The following SI variants were observed in gnomAD, a reference collection of about 807,000 sequenced individuals.
The protein encoded by SI is sucrase-isomaltase, intestinal.
In SI, 235 loss-of-function variants were observed where a neutral mutation model predicts 253.3. The observed-to-expected ratio is 0.93, with a 90% CI of 0.83 to 1.03. The LOEUF is 1.03. SI is among the 50% of genes least tolerant of loss of function. SI has a pLI of 0.00. For synonymous variants in SI, 819 were observed against 712.0 expected (o/e 1.15, Z -2.39); for missense variants, 2,442 against 2,211.1 (o/e 1.10, Z -2.09).
At chr3:165,043,736 T>C (rs1271906567) in intron 16 of SI, among the ~76,000 whole-genome samples, 1 of 151,600 alleles carries the variant, frequency 6.6e-6, no homozygotes, top group African/African-American at 2.4e-5. Context: ...CAAACATTTC[T>C]TTATTTTTTC....
At chr3:165,059,734 G>T (rs879165029) in intron 10 of SI, among the ~76,000 whole-genome samples, 168 bp downstream of exon 10, 1 of 151,818 alleles carries the variant, frequency 6.6e-6, no homozygotes, top group Admixed American at 6.6e-5. Flanking sequence ...ACTTTCAGGA[G>T]GCAAGGGCAT....
intron 35 of SI, among the ~76,000 whole-genome samples, 196 bp downstream of exon 35, chr3:165,009,083 T>C (rs1417495220): frequency 6.6e-6 from 1 of 152,100 alleles, no homozygotes; most frequent in African/African-American, 2.4e-5. Context: ...GTCCAGGAAA[T>C]AGCATCCATA....
In SI at chr3:164,994,421, A is replaced by G. The variant is rs751597034; in HGVS notation, c.4693-16T>C. 4.4e-6 allele frequency: 7 copies of G among 1,609,130 alleles called. No homozygotes were observed. In the East Asian group the frequency reaches 1.6e-4, roughly 36 times the overall value. On this transcript the variant is annotated splice_polypyrimidine_tract_variant and intron_variant, in intron 40 of 47. Transcript: ENST00000264382. ...GATCTTGTCTCTGAAACAAAGCAAAATAACATAGTTATAAGCTTTGGTCCT... is the reference window on the plus strand; with the variant it reads ...GATCTTGTCTCTGAAACAAAGCAAAGTAACATAGTTATAAGCTTTGGTCCT...
chr3:164,996,826 ATT>A, intron 38 of SI, 54 bp from the exon 39 acceptor site: 1 of 815,476 alleles, frequency 1.2e-6, no homozygotes, highest in Non-Finnish European at 1.9e-6. Flanking sequence ...ATATTTTAAT[ATT>A]GTTTTTTATT....
Position 165,036,428 on chromosome 3 carries a change from C to A in SI, c.2476G>T (p.Ala826Ser). The change falls in exon 22 of 48, where the codon GCC becomes TCC. Residue 826 changes from alanine to serine, a missense_variant. By Grantham distance (99) the Ala-to-Ser change is moderately conservative. Transcript: ENST00000264382. ...LIVALGENNT[A>S]KGDFFWDDGE... ...TCATCCCAGAAAAAGTCTCCTTTGGCTGTGTTGTTTTCACCTAATGCGACT... is the reference window on the plus strand; with the variant it reads ...TCATCCCAGAAAAAGTCTCCTTTGGATGTGTTGTTTTCACCTAATGCGACT... 1 of 1,611,632 alleles carries A rather than the reference C, an allele frequency of 6.2e-7. No homozygotes were observed. Among genetic ancestry groups the A allele is most frequent in the Non-Finnish European group, 8.5e-7 (1 of 1,178,440 alleles).
rs143388292 is a variant in SI, at chr3:165,009,359, T to C, written c.4099A>G (p.Arg1367Gly). The C allele has an allele frequency of 3.4e-4, 543 of 1,613,426 alleles. No homozygotes were observed. The highest frequency in any genetic ancestry group is 4.2e-4 in the Non-Finnish European group (490 of 1,179,624). Reference sequence around the variant, plus strand: ...GCCCACCACTCTGCTGTGGAAGTCCTGAAGAAATCTGGGAAAGCTACATGA... The same window carrying C: ...GCCCACCACTCTGCTGTGGAAGTCCCGAAGAAATCTGGGAAAGCTACATGA... ...RAHVAFPDFF[R>G]TSTAEWWARE... The change falls in exon 35 of 48, where the codon AGG becomes GGG. Residue 1367 changes from arginine to glycine, a missense_variant. Transcript: ENST00000264382.
intron 47 of SI, 143 bp from the exon 48 acceptor site, chr3:164,979,573 A>T (rs1305279542): frequency 5.5e-6 from 3 of 550,320 alleles, no homozygotes; most frequent in East Asian, 5.9e-5. Context: ...ACTCTCAGAA[A>T]GTTTGCAACC....
chr3:165,071,497 A>G (rs188390475), intron 3 of SI, among the ~76,000 whole-genome samples: 1 of 151,460 alleles, frequency 6.6e-6, no homozygotes, highest in African/African-American at 2.4e-5. Flanking sequence ...GTGATTATAT[A>G]TTAAATGTAA....
chr3:164,979,056 C>G lies in SI; in HGVS notation c.*306G>C, dbSNP rs986679826. The G allele has an allele frequency of 1.0e-5, 2 of 194,780 alleles. No individual in the cohort carries two copies. The highest frequency in any genetic ancestry group is 1.0e-5 in the Non-Finnish European group (1 of 95,868). 12.1% of individuals were successfully genotyped at this position (194,780 alleles called of 1,614,324 possible). On this transcript the variant is annotated 3_prime_UTR_variant, in exon 48 of 48. Coordinates refer to ENST00000264382, the MANE Select transcript of SI (RefSeq NM_001041.4). Reference sequence around the variant, plus strand: ...AAAATTTTATTTAATTTAAAAATCACGTTTAAATTATATCTTAGCTATTTA... The same window carrying G: ...AAAATTTTATTTAATTTAAAAATCAGGTTTAAATTATATCTTAGCTATTTA...
chr3:165,013,431 T>C (rs1194837478), intron 33 of SI, among the ~76,000 whole-genome samples: 1 of 152,158 alleles, frequency 6.6e-6, no homozygotes, highest in East Asian at 1.9e-4. Flanking sequence ...ATAAATCTTT[T>C]TGTTTGAAAG....
upstream of SI, among the ~76,000 whole-genome samples, chr3:165,082,045 G>A (rs562311803): frequency 2.0e-5 from 3 of 151,992 alleles, no homozygotes; most frequent in South Asian, 6.2e-4. Context: ...AAATAGCACA[G>A]ATGACTTTTT....
chr3:165,026,820 G>A (rs921476831), intron 25 of SI, among the ~76,000 whole-genome samples: 3 of 151,192 alleles, frequency 2.0e-5, no homozygotes, highest in South Asian at 2.1e-4. Flanking sequence ...TACAACATAC[G>A]CAGTACTAAG....
intron 1 of SI, among the ~76,000 whole-genome samples, chr3:165,076,281 A>T (rs1435674508): frequency 6.6e-6 from 1 of 151,820 alleles, no homozygotes; most frequent in Non-Finnish European, 1.5e-5. Flanking sequence ...TTACAGTAGT[A>T]GTAGTACACT....
At position 165,074,608 on chromosome 3, in the gene SI, A is replaced by G. The variant is rs755487744; in HGVS notation, c.178T>C (p.Ser60Pro). ...TTTAACACATTTGGACATTTTCCTG[A>G]ATCAGAAGGATTTGTAGTCACACGA... The part of the protein sequence containing the change: ...TTRVTTNPSD[S>P]GKCPNVLNDP... Residue 60 changes from serine (S) to proline (P), a missense_variant, in exon 3 of 48, where the codon TCA (serine) becomes CCA (proline). Ser to Pro is a moderately conservative substitution (Grantham distance 74, BLOSUM62 -1). Coordinates refer to ENST00000264382, the MANE Select transcript of SI (RefSeq NM_001041.4). 2.7e-5 allele frequency: 43 copies of G among 1,610,392 alleles called. No individual in the cohort carries two copies. The highest frequency in any genetic ancestry group is 3.4e-5 in the Non-Finnish European group (40 of 1,177,488).
At position 165,018,054 on chromosome 3, in the gene SI, A is replaced by G; in HGVS notation, c.3436T>C (p.Ser1146Pro). 6.2e-7 allele frequency: 1 copy of G among 1,601,570 alleles called. No homozygotes were observed. Among genetic ancestry groups the G allele is most frequent in the Non-Finnish European group, 8.6e-7 (1 of 1,168,858 alleles). The stretch of plus-strand genomic sequence containing the variant: ...ATGTAATAGGGATGAAATCCATAGG[A>G]ATTAAGTTTGTACTGAAATACGAAA... The part of the protein sequence containing the change: ...RDQPPGYKLN[S>P]YGFHPYYMAL... Residue 1146 changes from serine (S) to proline (P), a missense_variant, in exon 29 of 48, where the codon TCC becomes CCC. By Grantham distance (74) the Ser-to-Pro change is moderately conservative. Coordinates refer to ENST00000264382, the MANE Select transcript of SI (RefSeq NM_001041.4).
At chr3:165,044,465 A>T (rs945406917) in intron 16 of SI, among the ~76,000 whole-genome samples, 2 of 151,946 alleles carry the variant, frequency 1.3e-5, no homozygotes, top group Non-Finnish European at 2.9e-5. Context: ...CTTTCTTCAT[A>T]AAATATATCT....
chr3:165,041,811 C>A (rs747237218), intron 17 of SI, among the ~76,000 whole-genome samples: 1 of 152,082 alleles, frequency 6.6e-6, no homozygotes, highest in Non-Finnish European at 1.5e-5. Flanking sequence ...CCTGAATCCA[C>A]TATTAAGTTT....
chr3:164,984,442 T>C (rs1366675042), intron 45 of SI, among the ~76,000 whole-genome samples: 1 of 152,146 alleles, frequency 6.6e-6, no homozygotes, highest in African/African-American at 2.4e-5. Context: ...TTTTAGTTCT[T>C]ATTTTCAAAT....
rs540333172 is a variant in SI, at chr3:165,062,387, A to C, written c.1004T>G (p.Val335Gly). Residue 335 changes from valine (V) to glycine (G), a missense_variant, in exon 9 of 48, where the codon GTT (valine) becomes GGT (glycine). Physicochemically the swap from Val to Gly is moderately radical, Grantham distance 109. Transcript: ENST00000264382. ...ILLGDTPEQV[V>G]QQYQQLVGLP... ...GAAACACACCTGTTGATACTGTTGA[A>C]CTACTTGTTCTGGTGTATCTCCTAG... 13 of 1,564,154 alleles carry C rather than the reference A, an allele frequency of 8.3e-6. No homozygotes were observed. The highest frequency in any genetic ancestry group is 1.1e-5 in the Non-Finnish European group (13 of 1,135,106).
Sources: gnomAD v4.1 joint callset for allele counts (sites outside exome capture counted in the v4.1 genomes callset) on GRCh38, gnomAD v4.1.1 for gene constraint, MANE v1.5 for transcripts, NCBI Gene and HGNC (gene_info 2026-07-23, HGNC 2026-07-21) for gene names.